CACNA1C: variants seen among roughly 807,000 people sequenced by gnomAD.
CACNA1C encodes calcium voltage-gated channel subunit alpha1 C.
A neutral mutation model predicts 229.0 loss-of-function variants in CACNA1C; 30 were observed. The observed-to-expected ratio is 0.13, with a 90% CI of 0.10 to 0.18. The LOEUF is 0.18. Ranked by LOEUF, CACNA1C falls within the 10% of genes least tolerant of loss-of-function variation. The pLI, the probability that CACNA1C is intolerant of heterozygous loss-of-function variation, is 1.00. For synonymous variants in CACNA1C, 1,114 were observed against 1,132.5 expected, an observed-to-expected ratio of 0.98 and a Z score of 0.33; for missense variants, 1,658 against 2,845.0, an observed-to-expected ratio of 0.58 and a Z score of 9.49.
At chr12:2,417,657 T>A (rs994815459) in intron 3 of CACNA1C, among the ~76,000 whole-genome samples, 1 of 152,208 alleles carries the variant, frequency 6.6e-6, no homozygotes, top group Non-Finnish European at 1.5e-5. Flanking sequence ...AACATTAATC[T>A]GTGCTAATGT....
chr12:2,049,899 G>C (rs1594370290), upstream of CACNA1C, among the ~76,000 whole-genome samples: 1 of 152,206 alleles, frequency 6.6e-6, no homozygotes. Flanking sequence ...TGGGATATGG[G>C]CGTATACTGC....
intron 3 of CACNA1C, among the ~76,000 whole-genome samples, chr12:2,142,597 A>C (rs78191205): frequency 6.6e-6 from 1 of 151,384 alleles, no homozygotes; most frequent in Non-Finnish European, 1.5e-5. Flanking sequence ...AGGCATTGTC[A>C]TCTTAGGACA....
At chr12:2,377,022 C>T (rs374156568) in intron 3 of CACNA1C, among the ~76,000 whole-genome samples, 8 of 152,224 alleles carry the variant, frequency 5.3e-5, no homozygotes, top group Admixed American at 6.5e-5. Flanking sequence ...CCATCCTCTG[C>T]GGGGGTGGAG....
At chr12:2,288,131 C>T (rs569757783) in intron 3 of CACNA1C, 2 of 152,518 alleles carry the variant, frequency 1.3e-5, no homozygotes, top group East Asian at 3.9e-4. Flanking sequence ...TTTCCTCTTC[C>T]TTGTCCTTTG....
intron 4 of CACNA1C, among the ~76,000 whole-genome samples, chr12:2,450,553 C>CAAAAAAAAAAAAA (rs796416420): frequency 2.6e-5 from 1 of 39,016 alleles, no homozygotes; most frequent in African/African-American, 8.4e-5. Context: ...GACTCCATCT[C>CAAAAAAAAAAAAA]AAAAAAAAAA....
chr12:2,035,743 C>T (rs2049024823), intron 1 of CACNA1C, among the ~76,000 whole-genome samples: 1 of 152,228 alleles, frequency 6.6e-6, no homozygotes, highest in Non-Finnish European at 1.5e-5. Flanking sequence ...ACTTCCGAGG[C>T]AGGACGGTAC....
At chr12:2,303,693 T>TG in intron 3 of CACNA1C, among the ~76,000 whole-genome samples, 1 of 152,240 alleles carries the variant, frequency 6.6e-6, no homozygotes, top group South Asian at 2.1e-4. Flanking sequence ...TGAGCTTTGG[T>TG]GGGGACACAT....
intron 30 of CACNA1C, among the ~76,000 whole-genome samples, chr12:2,642,135 T>C (rs897193359): frequency 6.6e-6 from 1 of 152,190 alleles, no homozygotes; most frequent in African/African-American, 2.4e-5. Context: ...ACCTGTTTTT[T>C]TATAGGCATC....
intron 31 of CACNA1C, among the ~76,000 whole-genome samples, chr12:2,650,318 G>A (rs916159196): frequency 1.3e-5 from 2 of 152,162 alleles, no homozygotes; most frequent in South Asian, 4.1e-4. Context: ...AGCAGGCAGC[G>A]CAGTTAGAAG....
chr12:2,055,352 T>G (rs1218957759), intron 1 of CACNA1C, among the ~76,000 whole-genome samples: 1 of 152,210 alleles, frequency 6.6e-6, no homozygotes, highest in Non-Finnish European at 1.5e-5. Flanking sequence ...TAAGCAGCAT[T>G]GAAGAGGAGA....
rs187330599 is a variant in CACNA1C at position 2,108,944 on chromosome 12, G to A, written c.50-6280G>A. 1.2e-3 allele frequency among the ~76,000 whole-genome samples: 184 copies of A among 152,364 alleles called. 1 individual carries two copies. Among genetic ancestry groups the A allele is most frequent in the Admixed American group, 2.7e-3 (41 of 15,310 alleles). On this transcript the variant is annotated intron_variant, in intron 1 of 46. Coordinates refer to ENST00000399655, the MANE Select transcript of CACNA1C (RefSeq NM_000719.7). This position sits in a 1 kb window ranked among gnomAD's most constrained non-coding sequence, Gnocchi z 5.3. ...CAAGATGACAGACAGCAAGAGCCAA[G>A]TGGGCTTCTGGGTGACATGTTGGCC... is the stretch of plus-strand genomic sequence containing the variant.
intron 3 of CACNA1C, among the ~76,000 whole-genome samples, chr12:2,363,162 A>T (rs1313912290): frequency 6.6e-6 from 1 of 152,060 alleles, no homozygotes; most frequent in Admixed American, 6.5e-5. Flanking sequence ...CTCTTGTCCC[A>T]GTTGTGCCCT....
intron 1 of CACNA1C, among the ~76,000 whole-genome samples, chr12:2,097,798 G>A (rs1263542679): frequency 6.6e-6 from 1 of 152,210 alleles, no homozygotes; most frequent in African/African-American, 2.4e-5. Context: ...CCAGCCATGG[G>A]CAGAGCGGGG....
chr12:2,538,278 C>T (rs1296836058), intron 9 of CACNA1C, among the ~76,000 whole-genome samples: 2 of 152,136 alleles, frequency 1.3e-5, no homozygotes, highest in Non-Finnish European at 1.5e-5. Flanking sequence ...TTTATATTTA[C>T]TTTCTGATGG....
At chr12:2,588,248 C>G (rs1220862021) in intron 18 of CACNA1C, among the ~76,000 whole-genome samples, 1 of 152,264 alleles carries the variant, frequency 6.6e-6, no homozygotes, top group Non-Finnish European at 1.5e-5. Context: ...CCATTGTGCT[C>G]CCAACCGCTG....
rs575894842 is a variant in CACNA1C, at chr12:2,691,714, T to A, written c.*515T>A. 48 of 153,620 alleles carry A rather than the reference T, an allele frequency of 3.1e-4. No individual in the cohort carries two copies. The highest frequency in any genetic ancestry group is 5.1e-4 in the Non-Finnish European group (35 of 68,656). The allele number at this position is 153,620 out of a possible 1,614,324, so 9.5% of individuals were successfully genotyped here. On this transcript the variant is annotated 3_prime_UTR_variant, in exon 47 of 47. Coordinates refer to ENST00000399655, the MANE Select transcript of CACNA1C (RefSeq NM_000719.7). ...GGAGGCCTCCAGGGGCGCGGAGCTC[T>A]GGGGATGGGCGTCGGGCCGGCAGTG...
Position 2,085,504 on chromosome 12 carries a change from C to T in CACNA1C, c.50-29720C>T, listed in dbSNP as rs369153342. Among the ~76,000 whole-genome samples, 5 of 152,276 alleles carry T rather than the reference C, an allele frequency of 3.3e-5. No homozygotes were observed. The East Asian group carries it at 9.7e-4, about 29-fold the overall frequency. On this transcript the variant is annotated intron_variant, in intron 1 of 46. Coordinates refer to ENST00000399655, the MANE Select transcript of CACNA1C (RefSeq NM_000719.7). The stretch of plus-strand genomic sequence containing the variant: ...CCACCAAGTTGGCCAAGCCAGGTAC[C>T]TGGAAGCCATTCTCAGTGCTTTTGC...
chr12:2,041,030 C>T (rs957074041), intron 1 of CACNA1C, among the ~76,000 whole-genome samples: 2 of 152,148 alleles, frequency 1.3e-5, no homozygotes, highest in Admixed American at 6.5e-5. Context: ...CAGATCTGTC[C>T]AATAAATCCT....
rs188970327 is a variant in CACNA1C, at chr12:2,679,223, G to A, written c.5092-221G>A. On this transcript the variant is annotated intron_variant, in intron 41 of 46. Transcript: ENST00000399655. The surrounding 1 kb of genome is among the most constrained non-coding windows in gnomAD (Gnocchi z 5.5). ...GGGTTCTCCCAGCTGCTGCAGAGGG[G>A]AGTCCAGAGCCTTGAGACTCCGGGT... 2.5e-3 allele frequency among the ~76,000 whole-genome samples: 385 copies of A among 152,310 alleles called. 7 individuals carry two copies. The highest frequency in any genetic ancestry group is 1.3e-3 in the Non-Finnish European group (90 of 68,024).
Sources: allele counts gnomAD v4.1 joint callset (sites outside exome capture counted in the v4.1 genomes callset), GRCh38; gene constraint gnomAD v4.1.1; non-coding constraint Gnocchi (gnomAD v3.1); transcripts MANE v1.5; gene names NCBI Gene and HGNC (gene_info 2026-07-23, HGNC 2026-07-21).